MTHFD1: variants seen among roughly 807,000 people sequenced by gnomAD.
The protein encoded by MTHFD1 is C-1-tetrahydrofolate synthase, cytoplasmic.
Under a neutral mutation model 110.3 loss-of-function variants are expected in MTHFD1, and 44 were observed. The ratio of observed to expected loss-of-function variants is 0.40; its 90% CI spans 0.31 to 0.51. MTHFD1 has a LOEUF of 0.51. Ranked by LOEUF, MTHFD1 falls within the 20% of genes least tolerant of loss-of-function variation. The pLI, the probability that MTHFD1 is intolerant of heterozygous loss-of-function variation, is 0.60. For synonymous variants in MTHFD1, 402 were observed against 428.8 expected (o/e 0.94, Z 0.77); for missense variants, 909 against 1,173.1 (o/e 0.77, Z 3.29).
At chr14:64,440,584 TTTG>T (rs2078239923) in intron 18 of MTHFD1, 1 of 390,412 alleles carries the variant, frequency 2.6e-6, no homozygotes, top group Non-Finnish European at 4.9e-6. Flanking sequence ...TTGCTTTATC[TTTG>T]TTGCTAGGTA....
rs75776805 is a variant in MTHFD1, at chr14:64,420,483, C to T, written c.727+558C>T. Among the ~76,000 whole-genome samples, 242 of 152,266 alleles carry T rather than the reference C, an allele frequency of 1.6e-3. 7 individuals carry two copies. In the East Asian group the frequency reaches 0.037, roughly 23 times the overall value. On this transcript the variant is annotated intron_variant, in intron 8 of 27. Transcript: ENST00000652337. ...GGTTAGTATCACCATTCTTCCTTCC[C>T]GCAAGTCTGAAGCCTTTTAGTTTCC...
At chr14:64,402,154 A>T (rs1596532966) in intron 2 of MTHFD1, among the ~76,000 whole-genome samples, 1 of 152,252 alleles carries the variant, frequency 6.6e-6, no homozygotes, top group East Asian at 1.9e-4. Context: ...ACATCTTCTC[A>T]GACTTGCACA....
At chr14:64,416,347 G>C (rs1000915221) in intron 6 of MTHFD1, among the ~76,000 whole-genome samples, 3 of 152,190 alleles carry the variant, frequency 2.0e-5, no homozygotes, top group Admixed American at 6.5e-5. Flanking sequence ...AGAGTTATCT[G>C]AGTTCAAAGC....
intron 3 of MTHFD1, among the ~76,000 whole-genome samples, chr14:64,412,068 C>T (rs1360766857): frequency 6.6e-6 from 1 of 152,104 alleles, no homozygotes; most frequent in Non-Finnish European, 1.5e-5. Flanking sequence ...TTAACAGAAA[C>T]ATCATAAAGA....
At chr14:64,421,975 G>A (rs1348890624) in intron 8 of MTHFD1, among the ~76,000 whole-genome samples, 1 of 151,864 alleles carries the variant, frequency 6.6e-6, no homozygotes, top group Admixed American at 6.6e-5. Flanking sequence ...TTCTGCTTTT[G>A]GCATTTTTTT....
rs774797122 is a variant in MTHFD1 at position 64,415,379 on chromosome 14, T to C, written c.262T>C (p.Leu88=). ...TTAGGTGATGAAGTACATTACATCTTTGAATGAAGACTCTACTGTACATGG... is the reference window on the plus strand; with the variant it reads ...TTAGGTGATGAAGTACATTACATCTCTGAATGAAGACTCTACTGTACATGG... ...ESEVMKYITS[L]NEDSTVHGFL... is the part of the protein sequence containing the mutation. Residue 88 remains leucine, a synonymous_variant, in exon 5 of 28, where the codon TTG becomes CTG. Coordinates refer to ENST00000652337, the MANE Select transcript of MTHFD1 (RefSeq NM_005956.4). 1.9e-6 allele frequency: 3 copies of C among 1,609,698 alleles called. No homozygotes were observed. In the East Asian group the frequency reaches 6.7e-5, roughly 36 times the overall value.
chr14:64,392,556 G>A (rs1011603869), intron 1 of MTHFD1, among the ~76,000 whole-genome samples: 2 of 152,190 alleles, frequency 1.3e-5, no homozygotes, highest in African/African-American at 4.8e-5. Context: ...TTGAGTAGGT[G>A]CTGCGAGTGT....
At chr14:64,435,365 T>C (rs2078197826) in intron 15 of MTHFD1, among the ~76,000 whole-genome samples, 3 of 152,124 alleles carry the variant, frequency 2.0e-5, no homozygotes, top group Admixed American at 2.0e-4. Flanking sequence ...AAACTCAACC[T>C]ACTTGGAGAT....
chr14:64,431,234 T>C (rs1431510616), intron 13 of MTHFD1, among the ~76,000 whole-genome samples: 3 of 151,680 alleles, frequency 2.0e-5, no homozygotes, highest in African/African-American at 7.3e-5. Flanking sequence ...CTTGGCTACT[T>C]TTTATGTTTT....
At chr14:64,439,709 C>T (rs1408269434) in intron 17 of MTHFD1, among the ~76,000 whole-genome samples, 5 of 151,432 alleles carry the variant, frequency 3.3e-5, no homozygotes, top group Non-Finnish European at 5.9e-5. Flanking sequence ...GAGATCAGCC[C>T]GGCCAAACCC....
intron 22 of MTHFD1, 29 bp from the exon 23 acceptor site, chr14:64,448,188 T>G (rs1328621789): frequency 6.5e-7 from 1 of 1,538,852 alleles, no homozygotes; most frequent in Non-Finnish European, 9.0e-7. Flanking sequence ...CTCTCTGATC[T>G]CATAGGCCTT....
intron 1 of MTHFD1, among the ~76,000 whole-genome samples, chr14:64,398,163 T>TA (rs11324178): frequency 4.0e-5 from 6 of 151,512 alleles, no homozygotes; most frequent in East Asian, 3.9e-4. Flanking sequence ...CAATCCCAGT[T>TA]AAAAAAAAAA....
At chr14:64,391,401 G>C (rs1475984372) in intron 1 of MTHFD1, among the ~76,000 whole-genome samples, 1 of 152,178 alleles carries the variant, frequency 6.6e-6, no homozygotes, top group Non-Finnish European at 1.5e-5. Context: ...CTGACCTCAA[G>C]TGATCTGTCC....
chr14:64,410,237 G>T (rs982602197), intron 2 of MTHFD1, among the ~76,000 whole-genome samples: 1 of 151,664 alleles, frequency 6.6e-6, no homozygotes, highest in South Asian at 2.1e-4. Context: ...TTTTTTAAGA[G>T]ACAAGGTCTC....
At chr14:64,419,680 C>A in intron 7 of MTHFD1, 134 bp from the exon 8 acceptor site, 1 of 721,822 alleles carries the variant, frequency 1.4e-6, no homozygotes, top group South Asian at 1.5e-5. Flanking sequence ...AGGCCTTAAC[C>A]CAATATCTTA....
At position 64,417,840 on chromosome 14, in the gene MTHFD1, G is replaced by A. The variant is rs1049535166; in HGVS notation, c.479-48G>A. On this transcript the variant is annotated intron_variant, in intron 6 of 27. Coordinates refer to ENST00000652337, the MANE Select transcript of MTHFD1 (RefSeq NM_005956.4). This position sits in a 1 kb window ranked among gnomAD's most constrained non-coding sequence, Gnocchi z 4.4. Reference sequence around the variant, plus strand: ...ATTTCTCCACGTGGCATGCGAAGGAGGGCAGCTTCTATCCTCCAACTCTGA... The same window carrying A: ...ATTTCTCCACGTGGCATGCGAAGGAAGGCAGCTTCTATCCTCCAACTCTGA... The A allele has an allele frequency of 6.2e-7, 1 of 1,610,754 alleles. No homozygotes were observed. The highest frequency in any genetic ancestry group is 8.5e-7 in the Non-Finnish European group (1 of 1,179,006).
chr14:64,435,490 TA>T (rs914325487), intron 15 of MTHFD1, 78 bp from the exon 16 acceptor site: 17 of 875,566 alleles, frequency 1.9e-5, no homozygotes, highest in Non-Finnish European at 3.1e-5. Flanking sequence ...CATTTAGAGG[TA>T]GGGGTCAAAA....
intron 2 of MTHFD1, among the ~76,000 whole-genome samples, chr14:64,408,342 G>A (rs1465692192): frequency 6.8e-6 from 1 of 147,468 alleles, no homozygotes; most frequent in Non-Finnish European, 1.5e-5. Flanking sequence ...AGGCTGGAGT[G>A]CAATGGCACG....
At chr14:64,402,974 T>G (rs563755330) in intron 2 of MTHFD1, among the ~76,000 whole-genome samples, 1 of 152,018 alleles carries the variant, frequency 6.6e-6, no homozygotes, top group Non-Finnish European at 1.5e-5. Flanking sequence ...ATATATATAT[T>G]TTTTACTTTT....
Sources: allele counts gnomAD v4.1 joint callset (sites outside exome capture counted in the v4.1 genomes callset), GRCh38; gene constraint gnomAD v4.1.1; non-coding constraint Gnocchi (gnomAD v3.1); transcripts MANE v1.5; gene names NCBI Gene and HGNC (gene_info 2026-07-23, HGNC 2026-07-21).